NLRP2: variants seen among roughly 807,000 people sequenced by gnomAD.
The protein encoded by NLRP2 is NLR family pyrin domain containing 2, also known as NACHT, LRR and PYD domains-containing protein 2.
NLRP2 carries 107 observed loss-of-function variants against 97.2 expected under a neutral mutation model. The observed-to-expected ratio is 1.10, with a 90% CI of 0.94 to 1.29. NLRP2 has a LOEUF of 1.29. Ranked by LOEUF, NLRP2 falls within the 50% of genes most tolerant of loss-of-function variation. NLRP2 has a pLI of 0.00. For missense variants in NLRP2, 1,495 were observed against 1,330.3 expected (o/e 1.12, Z -1.93); for synonymous variants, 663 against 551.5 (o/e 1.20, Z -2.83).
At chr19:54,977,725 G>T (rs1354096967) in intron 3 of NLRP2, 27 bp from the exon 4 acceptor site, 16 of 1,612,168 alleles carry the variant, frequency 9.9e-6, no homozygotes, top group Admixed American at 1.7e-5. Flanking sequence ...ACAGCAACAG[G>T]CCTGTAATGC....
At chr19:54,992,254 A>G (rs964352870) in intron 10 of NLRP2, among the ~76,000 whole-genome samples, 3 of 151,916 alleles carry the variant, frequency 2.0e-5, no homozygotes, top group Admixed American at 1.3e-4. Context: ...ATCACCTCCA[A>G]CAGTTAGGAA....
intron 3 of NLRP2, among the ~76,000 whole-genome samples, chr19:54,977,432 A>G (rs1457658001): frequency 1.3e-5 from 2 of 151,558 alleles, no homozygotes; most frequent in Non-Finnish European, 2.9e-5. Flanking sequence ...AAAAAAAAAG[A>G]AAAACTAGGC....
intron 10 of NLRP2, 112 bp from the exon 11 acceptor site, chr19:54,994,157 T>C (rs1177798254): frequency 1.8e-6 from 2 of 1,129,356 alleles, no homozygotes; most frequent in East Asian, 2.3e-5. Context: ...TCCATTTCCA[T>C]GTCACCACTG....
chr19:54,976,088 G>T (rs372209810), intron 3 of NLRP2, among the ~76,000 whole-genome samples: 12 of 151,320 alleles, frequency 7.9e-5, no homozygotes, highest in African/African-American at 2.7e-4. Flanking sequence ...TCACTCTGTT[G>T]CCCAGGATGG....
Position 54,990,212 on chromosome 19 carries a change from C to T in NLRP2, c.2537+20C>T, listed in dbSNP as rs563107791. ...GTTGTCGTAAGTCTCTCCTCTCTTA[C>T]AGAGCAGCTGTGCTTTCGATCTGGG... On this transcript the variant is annotated intron_variant, in intron 9 of 12. Coordinates refer to ENST00000448584, the MANE Select transcript of NLRP2 (RefSeq NM_017852.5). 1.6e-5 allele frequency: 26 copies of T among 1,613,334 alleles called. No individual in the cohort carries two copies. In the African/African-American group the frequency reaches 2.4e-4, roughly 15 times the overall value.
At chr19:54,996,760 C>T (rs560677029) in intron 11 of NLRP2, among the ~76,000 whole-genome samples, 16 of 151,972 alleles carry the variant, frequency 1.1e-4, no homozygotes, top group African/African-American at 3.4e-4. Flanking sequence ...GGAGAACTCC[C>T]CCCCGAGCTC....
At chr19:54,972,375 G>T (rs959815002) in intron 2 of NLRP2, among the ~76,000 whole-genome samples, 3 of 151,786 alleles carry the variant, frequency 2.0e-5, no homozygotes, top group Non-Finnish European at 4.4e-5. Context: ...TAGAGATGGG[G>T]TTTCACTATG....
chr19:54,975,596 C>G (rs1050031348), intron 3 of NLRP2, among the ~76,000 whole-genome samples: 11 of 149,656 alleles, frequency 7.4e-5, no homozygotes, highest in African/African-American at 2.7e-4. Context: ...GGACTACAGG[C>G]GCCCACCACC....
intron 1 of NLRP2, among the ~76,000 whole-genome samples, 185 bp downstream of exon 1, chr19:54,966,652 TCTC>T (rs1261388585): frequency 2.0e-5 from 3 of 151,436 alleles, no homozygotes; most frequent in African/African-American, 2.4e-5. Flanking sequence ...TTCAGGCCAT[TCTC>T]CTGCCTCAGC....
At chr19:54,981,903 C>T (rs150442508) in intron 5 of NLRP2, among the ~76,000 whole-genome samples, 3 of 152,050 alleles carry the variant, frequency 2.0e-5, no homozygotes, top group Non-Finnish European at 2.9e-5. Flanking sequence ...CTCAGCCTCC[C>T]GAGTAGCTGG....
At chr19:54,984,530 C>T (rs900476712) in intron 6 of NLRP2, among the ~76,000 whole-genome samples, 9 of 91,046 alleles carry the variant, frequency 9.9e-5, no homozygotes, top group African/African-American at 2.1e-4. Flanking sequence ...TTTCCCAGGT[C>T]GGAGTGAAGT....
chr19:54,967,351 G>T (rs770613153), intron 1 of NLRP2, among the ~76,000 whole-genome samples: 2 of 152,034 alleles, frequency 1.3e-5, no homozygotes, highest in African/African-American at 2.4e-5. Flanking sequence ...GCGTGGTAGC[G>T]CATACTTGTA....
At chr19:55,000,242 A>ACTCCAGC (rs1460457010) in intron 12 of NLRP2, among the ~76,000 whole-genome samples, 1 of 119,814 alleles carries the variant, frequency 8.3e-6, no homozygotes, top group East Asian at 2.9e-4. Context: ...GTACCACTGC[A>ACTCCAGC]CTCCAGCTTG....
At position 54,981,731 on chromosome 19, in the gene NLRP2, A is replaced by G. The variant is rs766372290; in HGVS notation, c.463+49A>G. On this transcript the variant is annotated intron_variant, in intron 5 of 12. Transcript: ENST00000448584. ...GGAGCTTGGGATCAGATTTCTCTTT[A>G]TAAACTTGAAGTCCTCTTAACTTTC... The G allele has an allele frequency of 2.9e-6, 3 of 1,024,062 alleles. No homozygotes were observed. In the African/African-American group the frequency reaches 4.7e-5, roughly 16 times the overall value. 63.4% of individuals were successfully genotyped at this position (1,024,062 alleles called of 1,614,324 possible).
chr19:54,979,024 A>T (rs1379315267), intron 4 of NLRP2, among the ~76,000 whole-genome samples: 1 of 151,442 alleles, frequency 6.6e-6, no homozygotes, highest in Non-Finnish European at 1.5e-5. Context: ...TCACTCTGTC[A>T]TGCAGGCTGG....
intron 8 of NLRP2, among the ~76,000 whole-genome samples, chr19:54,989,234 G>T (rs568307432): frequency 3.3e-5 from 5 of 151,950 alleles, no homozygotes; most frequent in Non-Finnish European, 5.9e-5. Flanking sequence ...GGGATTACAG[G>T]CATGAGCCAT....
At position 54,977,866 on chromosome 19, in the gene NLRP2, C is replaced by T. The variant is rs202012141; in HGVS notation, c.397+43C>T. 3.8e-6 allele frequency: 6 copies of T among 1,568,392 alleles called. No homozygotes were observed. The African/African-American group carries it at 8.1e-5, about 21-fold the overall frequency. ...CAATGTTGGAGTCAGCTGAGGAAGCCCCCCGTTCTTGCTGCTATCTCCTGT... is the reference window on the plus strand; with the variant it reads ...CAATGTTGGAGTCAGCTGAGGAAGCTCCCCGTTCTTGCTGCTATCTCCTGT... On this transcript the variant is annotated intron_variant, in intron 4 of 12. Coordinates refer to ENST00000448584, the MANE Select transcript of NLRP2 (RefSeq NM_017852.5).
At chr19:54,974,425 C>G (rs545810931) in intron 2 of NLRP2, 75 bp from the exon 3 acceptor site, 3 of 1,069,470 alleles carry the variant, frequency 2.8e-6, no homozygotes, top group South Asian at 1.3e-5. Context: ...TAAGTGTCAT[C>G]TTTTCTTTTA....
At position 54,984,329 on chromosome 19, in the gene NLRP2, G is replaced by GTGTGTTTTTTTTTTTTTTTTTTTTTTT; in HGVS notation, c.2030+602_2030+603insGTGTTTTTTTTTTTTTTTTTTTTTTTT. On this transcript the variant is annotated intron_variant, in intron 6 of 12. Coordinates refer to ENST00000448584, the MANE Select transcript of NLRP2 (RefSeq NM_017852.5). ...AACTTAAGTGGGGGTTTTTTTTTGT[G>GTGTGTTTTTTTTTTTTTTTTTTTTTTT]TTTTTTTTTTTTTTTTTTTTTTTGG... is the stretch of plus-strand genomic sequence containing the variant. Among the ~76,000 whole-genome samples the GTGTGTTTTTTTTTTTTTTTTTTTTTTT allele has an allele frequency of 5.9e-4, 47 of 79,678 alleles. 4 individuals carry two copies. Among genetic ancestry groups the GTGTGTTTTTTTTTTTTTTTTTTTTTTT allele is most frequent in the East Asian group, 9.6e-4 (3 of 3,122 alleles). The allele number at this position is 79,678 out of a possible 152,430, so 52.3% of individuals were successfully genotyped here.
Sources: gnomAD v4.1 joint callset for allele counts (sites outside exome capture counted in the v4.1 genomes callset) on GRCh38, gnomAD v4.1.1 for gene constraint, MANE v1.5 for transcripts, NCBI Gene and HGNC (gene_info 2026-07-23, HGNC 2026-07-21) for gene names.